The following CEP20 variants were observed in gnomAD, a reference collection of about 807,000 sequenced individuals.
CEP20 encodes the protein FGFR1OP N-terminal like.
In CEP20, 18 loss-of-function variants were observed where a neutral mutation model predicts 20.0. The observed-to-expected ratio is 0.90, with a 90% CI of 0.62 to 1.34. The LOEUF (loss-of-function observed/expected upper bound fraction) is 1.34. Ranked by LOEUF, CEP20 falls within the 40% of genes most tolerant of loss-of-function variation. CEP20 has a pLI of 0.00. For missense variants in CEP20, 215 were observed against 201.6 expected (o/e 1.07, Z -0.40); for synonymous variants, 77 against 73.7 (o/e 1.04, Z -0.23).
At chr16:15,884,507 T>A (rs550550568) in intron 1 of CEP20, among the ~76,000 whole-genome samples, 1 of 152,172 alleles carries the variant, frequency 6.6e-6, no homozygotes, top group Admixed American at 6.5e-5. Flanking sequence ...TTATTTTATT[T>A]ATTATTTTTT....
chr16:15,870,117 T>C, intron 4 of CEP20, among the ~76,000 whole-genome samples: 1 of 152,214 alleles, frequency 6.6e-6, no homozygotes, highest in East Asian at 1.9e-4. Flanking sequence ...ATGCGTAATC[T>C]ACCGCTTTCA....
Position 15,867,470 on chromosome 16 carries a change from A to T in CEP20, c.495T>A (p.Asp165Glu). ...TGTTGACTGCCTGAGAAACATGAAG[A>T]TCTTCAATGTTAGTACTTTTCTGTT... The part of the protein sequence containing the change: ...KEEQKSTNIE[D>E]LHVSQAVNR The change falls in exon 5 of 5, where the codon GAT (aspartate) becomes GAA (glutamate). Residue 165 changes from aspartate (D) to glutamate (E), a missense_variant. Transcript: ENST00000255759. The T allele has an allele frequency of 6.2e-7, 1 of 1,603,338 alleles. No individual in the cohort carries two copies. Among genetic ancestry groups the T allele is most frequent in the East Asian group, 2.2e-5 (1 of 44,636 alleles).
At chr16:15,885,259 G>A (rs1239036091) in intron 1 of CEP20, among the ~76,000 whole-genome samples, 1 of 151,756 alleles carries the variant, frequency 6.6e-6, no homozygotes, top group Non-Finnish European at 1.5e-5. Context: ...AGTGAGCTGA[G>A]GTGGTGCCAC....
rs1009058520 is a variant in CEP20 at position 15,871,262 on chromosome 16, AAAT to A, written c.448+2226_448+2228del. Among the ~76,000 whole-genome samples the A allele has an allele frequency of 1.2e-3, 181 of 151,874 alleles. 1 individual carries two copies. The highest frequency in any genetic ancestry group is 4.2e-3 in the African/African-American group (175 of 41,470). On this transcript the variant is annotated intron_variant, in intron 4 of 4. Coordinates refer to ENST00000255759, the MANE Select transcript of CEP20 (RefSeq NM_144600.4). ...CAGAGTGACAGTCCATCTAAAATTTAAATAATAATAATAAAATAAAATAAAATA... is the reference window on the plus strand; with the variant it reads ...CAGAGTGACAGTCCATCTAAAATTTAAATAATAATAAAATAAAATAAAATA...
intron 4 of CEP20, among the ~76,000 whole-genome samples, chr16:15,873,046 A>G (rs2151422238): frequency 6.6e-6 from 1 of 151,932 alleles, no homozygotes; most frequent in East Asian, 1.9e-4. Context: ...AATACTTACA[A>G]TTTACATGAA....
chr16:15,879,018 T>C (rs1454203032), intron 3 of CEP20, among the ~76,000 whole-genome samples: 1 of 151,964 alleles, frequency 6.6e-6, no homozygotes, highest in East Asian at 1.9e-4. Context: ...TGTACTTTTT[T>C]TTTTTTTTTT....
chr16:15,881,287 C>T (rs961296623), intron 2 of CEP20, among the ~76,000 whole-genome samples: 1 of 152,256 alleles, frequency 6.6e-6, no homozygotes, highest in East Asian at 1.9e-4. Context: ...AACTTGACTA[C>T]TGTCACTATA....
chr16:15,887,191 C>T (rs2045266088), intron 1 of CEP20, among the ~76,000 whole-genome samples: 1 of 152,110 alleles, frequency 6.6e-6, no homozygotes, highest in Non-Finnish European at 1.5e-5. Context: ...TGTGCTTGGC[C>T]CATTCCAAGT....
intron 3 of CEP20, among the ~76,000 whole-genome samples, chr16:15,877,773 C>T (rs2044991029): frequency 2.6e-5 from 4 of 151,946 alleles, no homozygotes; most frequent in Admixed American, 2.6e-4. Flanking sequence ...GAGTGAAACC[C>T]TGCCTTGAAA....
chr16:15,875,763 G>A (rs1046438214), intron 3 of CEP20, among the ~76,000 whole-genome samples: 1 of 151,998 alleles, frequency 6.6e-6, no homozygotes, highest in Non-Finnish European at 1.5e-5. Context: ...ACCTAACAAG[G>A]CTATTAACAA....
chr16:15,880,835 G>A (rs1290657068), intron 2 of CEP20, among the ~76,000 whole-genome samples: 2 of 151,910 alleles, frequency 1.3e-5, no homozygotes, highest in African/African-American at 4.8e-5. Context: ...ACCCTATTGT[G>A]AACTGCACAT....
Position 15,867,623 on chromosome 16 carries a change from AG to A in CEP20, c.449-108del. The A allele has an allele frequency of 2.6e-5, 18 of 688,088 alleles. 1 individual carries two copies. The South Asian group carries it at 4.1e-4, about 16-fold the overall frequency. The allele number at this position is 688,088 out of a possible 1,614,324, so 42.6% of individuals were successfully genotyped here. ...GATGTTACATATTTAATATTCTATGAGTACTTTAGATGGTTTAGGACAATGA... is the reference window on the plus strand; with the variant it reads ...GATGTTACATATTTAATATTCTATGATACTTTAGATGGTTTAGGACAATGA... On this transcript the variant is annotated intron_variant, in intron 4 of 4. Transcript: ENST00000255759.
rs937108267 is a variant in CEP20, at chr16:15,879,223, A to C, written c.311+581T>G. 9.9e-5 allele frequency among the ~76,000 whole-genome samples: 15 copies of C among 152,180 alleles called. No homozygotes were observed. In the South Asian group the frequency reaches 2.7e-3, roughly 27 times the overall value. Reference sequence around the variant, plus strand: ...TCTTGGTAGAAAAAGGTATTCGAGCAGAAGCTTGGGGTTGGAAGTTCATAG... The same window carrying C: ...TCTTGGTAGAAAAAGGTATTCGAGCCGAAGCTTGGGGTTGGAAGTTCATAG... On this transcript the variant is annotated intron_variant, in intron 3 of 4. Coordinates refer to ENST00000255759, the MANE Select transcript of CEP20 (RefSeq NM_144600.4).
Position 15,888,541 on chromosome 16 carries a change from T to C in CEP20, c.28+17A>G, listed in dbSNP as rs755666077. 6.2e-7 allele frequency: 1 copy of C among 1,614,040 alleles called. No individual in the cohort carries two copies. The highest frequency in any genetic ancestry group is 1.1e-5 in the South Asian group (1 of 91,076). ...GCCCGACGCTTCCCATGTGGAGGCCTCCCTGCTCGCACTCACCAGCCTTCA... is the reference window on the plus strand; with the variant it reads ...GCCCGACGCTTCCCATGTGGAGGCCCCCCTGCTCGCACTCACCAGCCTTCA... On this transcript the variant is annotated intron_variant, in intron 1 of 4. Transcript: ENST00000255759.
At chr16:15,875,675 G>A (rs2044926761) in intron 3 of CEP20, among the ~76,000 whole-genome samples, 1 of 152,188 alleles carries the variant, frequency 6.6e-6, no homozygotes, top group African/African-American at 2.4e-5. Context: ...TAACTTGCCT[G>A]TAATTCTGAA....
intron 1 of CEP20, among the ~76,000 whole-genome samples, chr16:15,887,358 T>G (rs1450800376): frequency 6.6e-6 from 1 of 152,208 alleles, no homozygotes; most frequent in Non-Finnish European, 1.5e-5. Flanking sequence ...AATACACACT[T>G]TTATACACGT....
At chr16:15,873,716 A>T (rs1297815429) in intron 3 of CEP20, 89 bp from the exon 4 acceptor site, 6 of 1,359,182 alleles carry the variant, frequency 4.4e-6, no homozygotes, top group Non-Finnish European at 4.8e-6. Context: ...TTAAAAGGTA[A>T]CCTCTGACAT....
chr16:15,888,407 G>A, intron 1 of CEP20, 151 bp downstream of exon 1: 1 of 1,071,800 alleles, frequency 9.3e-7, no homozygotes, highest in Non-Finnish European at 1.4e-6. Flanking sequence ...GGCCAAGACA[G>A]CAGCCAGACG....
chr16:15,881,864 C>T (rs565063976), intron 2 of CEP20, among the ~76,000 whole-genome samples: 1 of 152,174 alleles, frequency 6.6e-6, no homozygotes, highest in Non-Finnish European at 1.5e-5. Context: ...TTTATCTCCC[C>T]ACCCCCAACC....
Sources: gnomAD v4.1 joint callset for allele counts (sites outside exome capture counted in the v4.1 genomes callset) on GRCh38, gnomAD v4.1.1 for gene constraint, MANE v1.5 for transcripts, NCBI Gene and HGNC (gene_info 2026-07-23, HGNC 2026-07-21) for gene names.